HPSE2: variants seen among roughly 807,000 people sequenced by gnomAD.
HPSE2 encodes inactive heparanase-2.
In HPSE2, 38 loss-of-function variants were observed where a neutral mutation model predicts 60.5. The ratio of observed to expected loss-of-function variants is 0.63; its 90% CI spans 0.48 to 0.82. The LOEUF (loss-of-function observed/expected upper bound fraction) is 0.82. HPSE2 is among the 40% of genes least tolerant of loss of function. The pLI is 0.00. For synonymous variants in HPSE2, 295 were observed against 293.2 expected, an observed-to-expected ratio of 1.01 and a Z score of -0.06; for missense variants, 713 against 740.4, an observed-to-expected ratio of 0.96 and a Z score of 0.43.
chr10:98,943,725 G>T (rs527583877), intron 3 of HPSE2, among the ~76,000 whole-genome samples: 1 of 152,168 alleles, frequency 6.6e-6, no homozygotes, highest in Non-Finnish European at 1.5e-5. Flanking sequence ...AGCCTATGTG[G>T]TAAGGAACTA....
intron 3 of HPSE2, among the ~76,000 whole-genome samples, chr10:98,800,936 A>T: frequency 6.6e-6 from 1 of 152,202 alleles, no homozygotes; most frequent in African/African-American, 2.4e-5. Flanking sequence ...AGAAAACTAC[A>T]GGCCAATATC....
At chr10:98,900,230 A>G (rs1244319102) in intron 3 of HPSE2, among the ~76,000 whole-genome samples, 5 of 152,200 alleles carry the variant, frequency 3.3e-5, no homozygotes, top group African/African-American at 1.2e-4. Flanking sequence ...GTATAGCCAT[A>G]CAATGGAACA....
chr10:98,837,597 GGGCGTGGT>G (rs1951818700), intron 3 of HPSE2, among the ~76,000 whole-genome samples: 1 of 152,150 alleles, frequency 6.6e-6, no homozygotes, highest in Non-Finnish European at 1.5e-5. Flanking sequence ...ACCTCCGGCC[GGGCGTGGT>G]GGCTCACGCC....
At chr10:99,279,822 T>G in the HPSE2 span, among the ~76,000 whole-genome samples, 1 of 152,210 alleles carries the variant, frequency 6.6e-6, no homozygotes, top group African/African-American at 2.4e-5. Flanking sequence ...AAATTCTCTA[T>G]TTGCATATTG....
chr10:98,725,699 G>A lies in HPSE2; in HGVS notation c.785-3871C>T, dbSNP rs562593919. ...ACAGAAACCACCATCAGAGTGAACA[G>A]GCAACCTACAAAATGGGAGAAAATT... On this transcript the variant is annotated intron_variant, in intron 4 of 11. Transcript: ENST00000370552. 6.6e-4 allele frequency among the ~76,000 whole-genome samples: 101 copies of A among 152,240 alleles called. 3 individuals carry two copies. In the South Asian group the frequency reaches 0.013, roughly 20 times the overall value.
chr10:99,177,546 G>A (rs973284305), intron 2 of HPSE2, among the ~76,000 whole-genome samples: 19 of 152,054 alleles, frequency 1.2e-4, no homozygotes, highest in African/African-American at 4.3e-4. Flanking sequence ...TAATGGTAAA[G>A]GGATCAATGC....
At chr10:98,983,471 G>A (rs553406944) in intron 3 of HPSE2, among the ~76,000 whole-genome samples, 1 of 152,344 alleles carries the variant, frequency 6.6e-6, no homozygotes, top group South Asian at 2.1e-4. Context: ...ATTCCACTTT[G>A]ACTTTAATCC....
intron 3 of HPSE2, among the ~76,000 whole-genome samples, chr10:98,949,282 T>G (rs558989681): frequency 3.3e-5 from 5 of 151,520 alleles, no homozygotes; most frequent in Admixed American, 3.3e-4. Context: ...ACACAAATTC[T>G]AACCAGGTAG....
chr10:98,611,874 C>A (rs1047765694), intron 9 of HPSE2, among the ~76,000 whole-genome samples: 6 of 152,216 alleles, frequency 3.9e-5, no homozygotes, highest in African/African-American at 1.4e-4. Context: ...TCATTTGAGT[C>A]TTTGTGCTGA....
At chr10:98,856,083 A>G (rs1169844842) in intron 3 of HPSE2, among the ~76,000 whole-genome samples, 1 of 152,196 alleles carries the variant, frequency 6.6e-6, no homozygotes, top group African/African-American at 2.4e-5. Context: ...TCATCTATAC[A>G]TACTAAAGGC....
chr10:98,896,021 C>T (rs967253980), intron 3 of HPSE2, among the ~76,000 whole-genome samples: 4 of 150,786 alleles, frequency 2.7e-5, no homozygotes, highest in African/African-American at 9.8e-5. Flanking sequence ...ACCAGCATGG[C>T]ACATGTATAC....
At chr10:99,178,728 C>T (rs1197024053) in intron 2 of HPSE2, among the ~76,000 whole-genome samples, 12 of 152,102 alleles carry the variant, frequency 7.9e-5, no homozygotes, top group Admixed American at 7.9e-4. Context: ...GAAACTATTC[C>T]AAACAACAGA....
chr10:98,559,948 T>G (rs550950353), intron 9 of HPSE2, among the ~76,000 whole-genome samples: 25 of 152,224 alleles, frequency 1.6e-4, no homozygotes, highest in African/African-American at 5.3e-4. Context: ...GGAAAGAGTA[T>G]GTATTTCACT....
chr10:99,017,892 AAAG>A (rs1230292265), intron 3 of HPSE2, among the ~76,000 whole-genome samples: 1 of 152,192 alleles, frequency 6.6e-6, no homozygotes, highest in Non-Finnish European at 1.5e-5. Context: ...GTCCTGAAAT[AAAG>A]ATACTCTGAC....
the HPSE2 span, among the ~76,000 whole-genome samples, chr10:99,301,809 G>A: frequency 1.3e-5 from 2 of 151,784 alleles, no homozygotes; most frequent in Non-Finnish European, 2.9e-5. Flanking sequence ...AGTACAGGAG[G>A]TCTTAGCAAC....
At chr10:98,984,950 A>G (rs996766960) in intron 3 of HPSE2, among the ~76,000 whole-genome samples, 1 of 152,198 alleles carries the variant, frequency 6.6e-6, no homozygotes, top group African/African-American at 2.4e-5. Context: ...AAAAAAGAAT[A>G]AAAAGATACA....
intron 3 of HPSE2, among the ~76,000 whole-genome samples, chr10:98,744,924 C>T (rs1366141267): frequency 3.9e-5 from 6 of 152,056 alleles, no homozygotes; most frequent in Non-Finnish European, 7.4e-5. Context: ...CGTTCATTGC[C>T]GGGCGTGGTG....
At chr10:98,920,772 T>C (rs1030229423) in intron 3 of HPSE2, among the ~76,000 whole-genome samples, 3 of 152,224 alleles carry the variant, frequency 2.0e-5, no homozygotes, top group Non-Finnish European at 4.4e-5. Context: ...GAATTTTATT[T>C]TCAACTAAGT....
chr10:99,101,507 C>A (rs1843985267), intron 3 of HPSE2, among the ~76,000 whole-genome samples: 1 of 152,246 alleles, frequency 6.6e-6, no homozygotes, highest in African/African-American at 2.4e-5. Flanking sequence ...TAGAGACCTA[C>A]AAAGAGACTT....
Sources: gnomAD v4.1 joint callset for allele counts (sites outside exome capture counted in the v4.1 genomes callset) on GRCh38, gnomAD v4.1.1 for gene constraint, MANE v1.5 for transcripts, NCBI Gene and HGNC (gene_info 2026-07-23, HGNC 2026-07-21) for gene names.